Variants in TEX26 observed in about 807,000 individuals in gnomAD.
TEX26 encodes the protein testis-expressed protein 26.
In TEX26, 34 loss-of-function variants were observed where a neutral mutation model predicts 35.3. That is an observed-to-expected ratio of 0.96 (90% confidence interval 0.73 to 1.28). The LOEUF (loss-of-function observed/expected upper bound fraction) is 1.28. Among genes scored for constraint, TEX26 ranks in the 50% most tolerant of loss-of-function variants. TEX26 has a pLI of 0.00. For synonymous variants in TEX26, 136 were observed against 111.8 expected, an observed-to-expected ratio of 1.22 and a Z score of -1.36; for missense variants, 371 against 330.1, an observed-to-expected ratio of 1.12 and a Z score of -0.96.
chr13:30,966,418 C>G lies in TEX26; in HGVS notation c.646+20C>G, dbSNP rs753580047. 9.4e-5 allele frequency: 103 copies of G among 1,093,022 alleles called. 1 individual carries two copies. The East Asian group carries it at 1.6e-3, about 17-fold the overall frequency. 67.7% of individuals were successfully genotyped at this position (1,093,022 alleles called of 1,614,324 possible). A position where few individuals can be genotyped will look rare whatever the true frequency, so the allele number is the denominator to read the frequency against. On this transcript the variant is annotated intron_variant, in intron 5 of 6. Transcript: ENST00000380473. Reference sequence around the variant, plus strand: ...GTCTAGGTGAGTACAGCTGCAGTTTCTTTTTCTTTTTCTCTTTTTTTTTTT... The same window carrying G: ...GTCTAGGTGAGTACAGCTGCAGTTTGTTTTTCTTTTTCTCTTTTTTTTTTT...
chr13:30,943,833 A>G (rs61947602), intron 2 of TEX26, among the ~76,000 whole-genome samples: 2,821 of 152,086 alleles, frequency 0.019, 40 homozygotes, highest in African/African-American at 0.038. Context: ...ATTGCATATT[A>G]TCTTTTCGAT....
intron 6 of TEX26, among the ~76,000 whole-genome samples, chr13:30,974,134 AT>A (rs1566172252): frequency 9.8e-5 from 9 of 92,112 alleles, no homozygotes; most frequent in African/African-American, 1.6e-4. Context: ...AAAAAAAAAT[AT>A]ATATATATAT....
At chr13:30,943,618 AT>A (rs1303630915) in intron 2 of TEX26, among the ~76,000 whole-genome samples, 2 of 151,710 alleles carry the variant, frequency 1.3e-5, no homozygotes, top group African/African-American at 2.4e-5. Context: ...GATGGCTCTA[AT>A]TTTTTTTAAG....
chr13:30,964,178 C>T (rs1279706895), intron 4 of TEX26, among the ~76,000 whole-genome samples: 1 of 152,170 alleles, frequency 6.6e-6, no homozygotes, highest in East Asian at 1.9e-4. Context: ...GCACCCTATT[C>T]AAAGCTCTGA....
At chr13:30,940,836 G>T (rs1159767592) in intron 2 of TEX26, among the ~76,000 whole-genome samples, 1 of 152,010 alleles carries the variant, frequency 6.6e-6, no homozygotes, top group African/African-American at 2.4e-5. Context: ...TACTCGGGAG[G>T]CAGAGGCACG....
intron 6 of TEX26, among the ~76,000 whole-genome samples, chr13:30,974,238 G>C (rs1442761852): frequency 6.6e-6 from 1 of 150,404 alleles, no homozygotes; most frequent in South Asian, 2.1e-4. Flanking sequence ...GCCAGGGAGG[G>C]GGAGTTGAAG....
At chr13:30,972,643 T>C (rs1954752526) in intron 6 of TEX26, among the ~76,000 whole-genome samples, 2 of 152,192 alleles carry the variant, frequency 1.3e-5, no homozygotes. Context: ...TTTGTTTTGT[T>C]TTTGTTTTTG....
chr13:30,958,311 C>A (rs1429278412), intron 4 of TEX26, among the ~76,000 whole-genome samples: 1 of 152,222 alleles, frequency 6.6e-6, no homozygotes, highest in Admixed American at 6.5e-5. Context: ...AGGAAATTTA[C>A]TTTATTGAGA....
At chr13:30,969,579 C>CA (rs1566169066) in intron 6 of TEX26, among the ~76,000 whole-genome samples, 1 of 152,010 alleles carries the variant, frequency 6.6e-6, no homozygotes, top group African/African-American at 2.4e-5. Context: ...GATTTGGGGG[C>CA]ATCTTAGGGG....
chr13:30,970,244 C>T (rs767119141), intron 6 of TEX26, among the ~76,000 whole-genome samples: 4 of 151,580 alleles, frequency 2.6e-5, no homozygotes, highest in Non-Finnish European at 5.9e-5. Context: ...TCCACTCTCA[C>T]ACATTGAGGG....
chr13:30,975,246 G>A lies in TEX26; in HGVS notation c.*339G>A, dbSNP rs1954841765. On this transcript the variant is annotated 3_prime_UTR_variant, in exon 7 of 7. Transcript: ENST00000380473. ...ATTTCTTAATGTCCCATTAATCAGAGACTTAAGAAATCATTTTATTGCCTT... is the reference window on the plus strand; with the variant it reads ...ATTTCTTAATGTCCCATTAATCAGAAACTTAAGAAATCATTTTATTGCCTT... 6.0e-6 allele frequency: 1 copy of A among 165,770 alleles called. No homozygotes were observed. The allele number at this position is 165,770 out of a possible 1,614,324, so 10.3% of individuals were successfully genotyped here. A position where few individuals can be genotyped will look rare whatever the true frequency, so the allele number is the denominator to read the frequency against.
At chr13:30,940,492 C>A (rs1393381435) in intron 2 of TEX26, among the ~76,000 whole-genome samples, 3 of 151,634 alleles carry the variant, frequency 2.0e-5, no homozygotes, top group South Asian at 2.1e-4. Flanking sequence ...CGCCACCACA[C>A]CTGGCTAATT....
chr13:30,943,262 A>G (rs545791079), intron 2 of TEX26, among the ~76,000 whole-genome samples: 1 of 152,148 alleles, frequency 6.6e-6, no homozygotes, highest in South Asian at 2.1e-4. Context: ...CAGCTGTTGT[A>G]CAACGGATTG....
chr13:30,955,640 G>A (rs1214146740), intron 3 of TEX26, among the ~76,000 whole-genome samples: 1 of 152,244 alleles, frequency 6.6e-6, no homozygotes, highest in Non-Finnish European at 1.5e-5. Context: ...TGAAGAGAGT[G>A]CTTTCTTTTT....
chr13:30,970,257 G>A (rs1259698232), intron 6 of TEX26, among the ~76,000 whole-genome samples: 2 of 151,954 alleles, frequency 1.3e-5, no homozygotes, highest in Non-Finnish European at 2.9e-5. Flanking sequence ...ATTGAGGGCT[G>A]AGAGCCTAAA....
intron 6 of TEX26, among the ~76,000 whole-genome samples, chr13:30,973,810 G>T (rs1018379492): frequency 1.3e-5 from 2 of 152,024 alleles, no homozygotes; most frequent in Admixed American, 1.3e-4. Flanking sequence ...GATAACTGCT[G>T]GGAGTGAATA....
In TEX26 at chr13:30,952,744, T is replaced by G. The variant is rs780538166; in HGVS notation, c.231T>G (p.Thr77=). ...LNQTQYSDEY[T]WKSHSKEDLI... Reference sequence around the variant, plus strand: ...AGACACAATATAGTGATGAGTACACTTGGAAATCACACTCTAAAGAAGATT... The same window carrying G: ...AGACACAATATAGTGATGAGTACACGTGGAAATCACACTCTAAAGAAGATT... The change falls in exon 3 of 7, where the codon ACT becomes ACG. Residue 77 remains threonine, a synonymous_variant. Coordinates refer to ENST00000380473, the MANE Select transcript of TEX26 (RefSeq NM_152325.3). 1 of 1,612,986 alleles carries G rather than the reference T, an allele frequency of 6.2e-7. No homozygotes were observed. The highest frequency in any genetic ancestry group is 8.5e-7 in the Non-Finnish European group (1 of 1,179,456).
At chr13:30,954,536 A>G (rs1954055877) in intron 3 of TEX26, among the ~76,000 whole-genome samples, 1 of 151,806 alleles carries the variant, frequency 6.6e-6, no homozygotes, top group African/African-American at 2.4e-5. Context: ...AGAGGTCACT[A>G]CAGCCTCGAA....
At chr13:30,941,346 GC>G (rs1293106844) in intron 2 of TEX26, among the ~76,000 whole-genome samples, 3 of 152,166 alleles carry the variant, frequency 2.0e-5, no homozygotes, top group African/African-American at 7.2e-5. Flanking sequence ...TAATGAAAGT[GC>G]CATCTATATA....
Sources: gnomAD v4.1 joint callset for allele counts (sites outside exome capture counted in the v4.1 genomes callset) on GRCh38, gnomAD v4.1.1 for gene constraint, MANE v1.5 for transcripts, NCBI Gene and HGNC (gene_info 2026-07-23, HGNC 2026-07-21) for gene names.